Variants in ANK2 observed in about 807,000 individuals in gnomAD.
ANK2 encodes the protein ankyrin 2.
Under a neutral mutation model 360.5 loss-of-function variants are expected in ANK2, and 83 were observed. That is an observed-to-expected ratio of 0.23 (90% CI 0.19 to 0.28). ANK2 has a LOEUF of 0.28. Among genes scored for constraint, ANK2 ranks in the 10% least tolerant of loss-of-function variants. The pLI, the probability that ANK2 is intolerant of heterozygous loss-of-function variation, is 1.00. For synonymous variants in ANK2, 1,740 were observed against 1,759.5 expected (o/e 0.99, Z 0.28); for missense variants, 4,201 against 4,795.7 (o/e 0.88, Z 3.66).
upstream of ANK2, among the ~76,000 whole-genome samples, chr4:113,049,443 C>T (rs1403259427): frequency 6.6e-6 from 1 of 152,162 alleles, no homozygotes; most frequent in Non-Finnish European, 1.5e-5. Context: ...AACCAACCAG[C>T]AGAGTCCCCA....
At chr4:112,780,178 C>A in the ANK2 span, among the ~76,000 whole-genome samples, 931 of 141,080 alleles carry the variant, frequency 6.6e-3, 5 homozygotes, top group African/African-American at 0.023. Flanking sequence ...CACAGTGAGA[C>A]TCTGTCTCAA....
chr4:113,073,296 C>T (rs1580790398), intron 1 of ANK2, among the ~76,000 whole-genome samples: 1 of 151,980 alleles, frequency 6.6e-6, no homozygotes, highest in East Asian at 1.9e-4. Context: ...TTGCACAACA[C>T]CTGGCACATA....
At chr4:113,006,796 A>T (rs924763810) in intron 2 of ANK2, among the ~76,000 whole-genome samples, 1 of 152,116 alleles carries the variant, frequency 6.6e-6, no homozygotes, top group Non-Finnish European at 1.5e-5. Flanking sequence ...GTCTAGTGTT[A>T]TCTTTTCCCT....
At chr4:113,072,953 CTTTTTTTTTTTT>C (rs77468290) in intron 1 of ANK2, among the ~76,000 whole-genome samples, 9 of 59,406 alleles carry the variant, frequency 1.5e-4, no homozygotes, top group African/African-American at 2.3e-4. Flanking sequence ...AGGACAGTGT[CTTTTTTTTTTTT>C]TTTTTTTTTT....
chr4:113,017,312 A>T (rs2056896135), intron 2 of ANK2, among the ~76,000 whole-genome samples: 1 of 151,790 alleles, frequency 6.6e-6, no homozygotes, highest in Non-Finnish European at 1.5e-5. Flanking sequence ...TCGGCCACTT[A>T]TCTATTTTGT....
intron 1 of ANK2, among the ~76,000 whole-genome samples, chr4:113,167,934 A>C (rs2097805165): frequency 6.6e-6 from 1 of 152,184 alleles, no homozygotes; most frequent in Non-Finnish European, 1.5e-5. Context: ...GATATGGTTC[A>C]TTCATTCCTA....
intron 1 of ANK2, among the ~76,000 whole-genome samples, chr4:112,844,339 T>C (rs2062818558): frequency 6.6e-6 from 1 of 152,230 alleles, no homozygotes; most frequent in Admixed American, 6.5e-5. Flanking sequence ...TCCTTGTCCC[T>C]TTCTTATGAC....
At chr4:112,813,660 T>C (rs947879653), upstream of ANK2, among the ~76,000 whole-genome samples, 3 of 152,098 alleles carry the variant, frequency 2.0e-5, no homozygotes, top group African/African-American at 7.2e-5. Flanking sequence ...CTCAGCATCC[T>C]GAGTAGCTGG....
At chr4:113,048,156 C>T (rs572206550), upstream of ANK2, among the ~76,000 whole-genome samples, 4 of 141,662 alleles carry the variant, frequency 2.8e-5, no homozygotes, top group Admixed American at 7.3e-5. Flanking sequence ...TTATACTTTA[C>T]GTTCATTGTC....
intron 2 of ANK2, among the ~76,000 whole-genome samples, chr4:112,990,920 T>TTAA (rs1262132478): frequency 6.6e-6 from 1 of 152,184 alleles, no homozygotes; most frequent in East Asian, 1.9e-4. Flanking sequence ...TTGGATGTTC[T>TTAA]TAAATTACAA....
intron 2 of ANK2, among the ~76,000 whole-genome samples, chr4:113,040,375 G>A (rs1032086747): frequency 6.6e-6 from 1 of 152,036 alleles, no homozygotes; most frequent in South Asian, 2.1e-4. Flanking sequence ...ATTTCCAAAA[G>A]TTCTCTTTTT....
In ANK2 at chr4:112,987,483, G is replaced by A. The variant is rs147737766; in HGVS notation, c.21+82969G>A. ...TAGAAGGCAGGTCTTTGGGGGAAGG[G>A]TCACAGGTGGCGGGTGACAAGTCTT... On this transcript the variant is annotated intron_variant, in intron 2 of 30. Coordinates refer to the ANK2 transcript ENST00000503271. Among the ~76,000 whole-genome samples the A allele has an allele frequency of 4.6e-5, 7 of 152,254 alleles. No homozygotes were observed. The East Asian group carries it at 1.4e-3, about 29-fold the overall frequency.
intron 2 of ANK2, among the ~76,000 whole-genome samples, chr4:112,958,749 A>G (rs1439019615): frequency 6.6e-6 from 1 of 152,196 alleles, no homozygotes; most frequent in Non-Finnish European, 1.5e-5. Flanking sequence ...ATGCATTATT[A>G]AGATATGGAC....
intron 1 of ANK2, among the ~76,000 whole-genome samples, chr4:113,105,378 C>T (rs114779786): frequency 7.2e-5 from 11 of 152,126 alleles, no homozygotes; most frequent in Non-Finnish European, 7.4e-5. Context: ...CAGGCAAGAC[C>T]TTATCAGTTG....
intron 2 of ANK2, among the ~76,000 whole-genome samples, chr4:113,035,914 C>T (rs2061489469): frequency 6.6e-6 from 1 of 151,792 alleles, no homozygotes; most frequent in South Asian, 2.1e-4. Context: ...ATTTTCTGTC[C>T]AAATTAGTGG....
At chr4:113,002,375 T>C (rs2051069014) in intron 2 of ANK2, among the ~76,000 whole-genome samples, 1 of 152,246 alleles carries the variant, frequency 6.6e-6, no homozygotes, top group African/African-American at 2.4e-5. Context: ...TGGAATACTA[T>C]GCAGCCATAA....
chr4:112,824,171 C>CTATG (rs1165930729), intron 1 of ANK2, among the ~76,000 whole-genome samples: 62 of 152,028 alleles, frequency 4.1e-4, no homozygotes, highest in African/African-American at 1.4e-3. Flanking sequence ...ATCTATCTAT[C>CTATG]TATCTATCTA....
intron 1 of ANK2, among the ~76,000 whole-genome samples, chr4:113,066,263 C>T (rs1375706593): frequency 6.6e-6 from 1 of 152,288 alleles, no homozygotes; most frequent in African/African-American, 2.4e-5. Context: ...AAGCCGACCA[C>T]AGGGGCTGGA....
the ANK2 span, among the ~76,000 whole-genome samples, chr4:112,803,539 G>A: frequency 0.56 from 85,067 of 151,858 alleles, 24,630 homozygotes; most frequent in East Asian, 0.88. Flanking sequence ...AGAGGCAGGA[G>A]CAGATTCTCC....
Sources: allele counts gnomAD v4.1 joint callset (sites outside exome capture counted in the v4.1 genomes callset), GRCh38; gene constraint gnomAD v4.1.1; transcripts MANE v1.5; gene names NCBI Gene and HGNC (gene_info 2026-07-23, HGNC 2026-07-21).